TMEM168: variants seen among roughly 807,000 people sequenced by gnomAD.
The protein encoded by TMEM168 is transmembrane protein 168.
In TMEM168, 40 loss-of-function variants were observed where a neutral mutation model predicts 53.2. The ratio of observed to expected loss-of-function variants is 0.75; its 90% CI spans 0.58 to 0.98. TMEM168 has a LOEUF of 0.98. Ranked by LOEUF, TMEM168 falls within the 50% of genes least tolerant of loss-of-function variation. The probability of loss-of-function intolerance (pLI) is 0.00; values close to 1 mark genes in which losing one functional copy is unlikely to be tolerated. For missense variants in TMEM168, 771 were observed against 828.8 expected, an observed-to-expected ratio of 0.93 and a Z score of 0.86; for synonymous variants, 282 against 293.0, an observed-to-expected ratio of 0.96 and a Z score of 0.38.
chr7:112,784,113 A>T lies in TMEM168; in HGVS notation c.713T>A (p.Phe238Tyr). 1.2e-6 allele frequency: 2 copies of T among 1,613,866 alleles called. No individual in the cohort carries two copies. The highest frequency in any genetic ancestry group is 1.7e-6 in the Non-Finnish European group (2 of 1,179,970). ...CFFICLITDP[F>Y]LDIYFSGLSV... The stretch of plus-strand genomic sequence containing the variant: ...AAGTCCACTAAAATAAATGTCAAGG[A>T]AAGGATCAGTTATCAGGCAAATAAA... The change falls in exon 2 of 5, where the codon TTC (phenylalanine) becomes TAC (tyrosine). Residue 238 changes from phenylalanine (F) to tyrosine (Y), a missense_variant. Physicochemically the swap from Phe to Tyr is conservative, Grantham distance 22 (BLOSUM62 3). Coordinates refer to ENST00000312814, the MANE Select transcript of TMEM168 (RefSeq NM_022484.6).
rs1329781230 is a variant in TMEM168, at chr7:112,784,746, A to G, written c.80T>C (p.Val27Ala). 6.2e-7 allele frequency: 1 copy of G among 1,612,308 alleles called. No homozygotes were observed. The highest frequency in any genetic ancestry group is 1.3e-5 in the African/African-American group (1 of 74,978). Residue 27 changes from valine to alanine, a missense_variant, in exon 2 of 5, where the codon GTG becomes GCG. Physicochemically the swap from Val to Ala is moderately conservative, Grantham distance 64. Coordinates refer to ENST00000312814, the MANE Select transcript of TMEM168 (RefSeq NM_022484.6). ...ATACCGCACTGAAGAATGCATGTTC[A>G]CTTCTCTATTTACTTCTTCCAGTCT... Reference protein sequence around the residue: ...MTRLEEVNREVNMHSSVRYLG... With the variant: ...MTRLEEVNREANMHSSVRYLG...
At chr7:112,776,757 T>G (rs930580147) in intron 2 of TMEM168, among the ~76,000 whole-genome samples, 2 of 130,576 alleles carry the variant, frequency 1.5e-5, no homozygotes, top group East Asian at 4.1e-4. Context: ...CATGTGTATG[T>G]TTTTTTTTTT....
chr7:112,768,809 A>T (rs1393982366), intron 4 of TMEM168, among the ~76,000 whole-genome samples: 5 of 152,190 alleles, frequency 3.3e-5, no homozygotes, highest in Non-Finnish European at 7.4e-5. Context: ...GGGACAAAAA[A>T]TTACAAAAAA....
rs1792825900 is a variant in TMEM168, at chr7:112,767,765, A to G, written c.1547-21T>C. 4 of 1,568,594 alleles carry G rather than the reference A, an allele frequency of 2.6e-6. No individual in the cohort carries two copies. The African/African-American group carries it at 5.5e-5, about 21-fold the overall frequency. On this transcript the variant is annotated intron_variant, in intron 4 of 4. Transcript: ENST00000312814. ...TCCACCTGTGAACAAGAGAAAATTC[A>G]ATGGAGCAATAATTTCTGCAGCCTC...
intron 1 of TMEM168, among the ~76,000 whole-genome samples, chr7:112,789,511 A>G (rs991521863): frequency 2.0e-5 from 3 of 152,250 alleles, no homozygotes; most frequent in Non-Finnish European, 2.9e-5. Flanking sequence ...CCCACAACTA[A>G]TAACTAGTAG....
At chr7:112,779,340 G>A (rs1487166735) in intron 2 of TMEM168, among the ~76,000 whole-genome samples, 1 of 152,126 alleles carries the variant, frequency 6.6e-6, no homozygotes, top group African/African-American at 2.4e-5. Flanking sequence ...ACAAAAATTC[G>A]TAATCTTAAC....
At chr7:112,770,601 TATA>T (rs1011407179) in intron 4 of TMEM168, among the ~76,000 whole-genome samples, 3 of 122,886 alleles carry the variant, frequency 2.4e-5, no homozygotes, top group African/African-American at 1.4e-4. Context: ...CTGCGAGAGA[TATA>T]TATATGTGTG....
At chr7:112,783,635 C>T in intron 2 of TMEM168, 63 bp downstream of exon 2, 4 of 1,359,312 alleles carry the variant, frequency 2.9e-6, no homozygotes, top group Non-Finnish European at 3.8e-6. Flanking sequence ...ACTTTAATTT[C>T]AATTATTGAA....
At position 112,767,217 on chromosome 7, in the gene TMEM168, A is replaced by G; in HGVS notation, c.2074T>C (p.Phe692Leu). ...LPTVLDTGQG[F>L]KLVKS ...CCAAATTAAGATTTGACAAGTTTGA[A>G]GCCTTGTCCTGTGTCCAGCACAGTA... The change falls in exon 5 of 5, where the codon TTC (phenylalanine) becomes CTC (leucine). Residue 692 changes from phenylalanine to leucine, a missense_variant. Coordinates refer to ENST00000312814, the MANE Select transcript of TMEM168 (RefSeq NM_022484.6). 3.1e-6 allele frequency: 5 copies of G among 1,611,950 alleles called. No individual in the cohort carries two copies. Among genetic ancestry groups the G allele is most frequent in the Non-Finnish European group, 4.2e-6 (5 of 1,179,152 alleles).
chr7:112,779,648 AAAG>A (rs1793177558), intron 2 of TMEM168, among the ~76,000 whole-genome samples: 1 of 152,226 alleles, frequency 6.6e-6, no homozygotes, highest in Non-Finnish European at 1.5e-5. Context: ...ACTGAGCACA[AAAG>A]AAGACCAATA....
At chr7:112,770,369 T>C (rs1433566281) in intron 4 of TMEM168, among the ~76,000 whole-genome samples, 1 of 152,198 alleles carries the variant, frequency 6.6e-6, no homozygotes, top group African/African-American at 2.4e-5. Flanking sequence ...CTCTCTCTTT[T>C]TTTTAAACTT....
At chr7:112,786,183 T>C (rs908016096) in intron 1 of TMEM168, among the ~76,000 whole-genome samples, 43 of 152,114 alleles carry the variant, frequency 2.8e-4, no homozygotes, top group African/African-American at 9.7e-4. Context: ...GCCTGGGGGA[T>C]AGAGCGAGAC....
intron 1 of TMEM168, among the ~76,000 whole-genome samples, chr7:112,786,442 T>C (rs1025346666): frequency 1.3e-5 from 2 of 152,156 alleles, no homozygotes; most frequent in East Asian, 3.9e-4. Context: ...CAACTAAGTC[T>C]ATTTAAGTAT....
intron 1 of TMEM168, among the ~76,000 whole-genome samples, chr7:112,786,287 A>G (rs1045755315): frequency 6.6e-6 from 1 of 152,200 alleles, no homozygotes; most frequent in Non-Finnish European, 1.5e-5. Context: ...CTCAAGAGAA[A>G]CATGAGAACC....
intron 2 of TMEM168, among the ~76,000 whole-genome samples, chr7:112,781,223 TAACAAGG>T (rs1793223585): frequency 1.3e-5 from 2 of 151,666 alleles, no homozygotes; most frequent in South Asian, 4.2e-4. Flanking sequence ...GACAGAAAAT[TAACAAGG>T]CTATAGATAC....
chr7:112,789,899 T>C (rs1793498287), intron 1 of TMEM168, among the ~76,000 whole-genome samples: 1 of 152,244 alleles, frequency 6.6e-6, no homozygotes, highest in Admixed American at 6.5e-5. Flanking sequence ...GACAAGGAGC[T>C]TGGCTGTTCT....
At chr7:112,776,360 AT>A (rs147874108) in intron 2 of TMEM168, among the ~76,000 whole-genome samples, 5,562 of 152,110 alleles carry the variant, frequency 0.037, 272 homozygotes, top group African/African-American at 0.1. Flanking sequence ...ATTAAGACTC[AT>A]TTAAGTGAAA....
chr7:112,777,886 CTGTGTGTGTGTG>C (rs71155068), intron 2 of TMEM168, among the ~76,000 whole-genome samples: 4,454 of 126,064 alleles, frequency 0.035, 133 homozygotes, highest in African/African-American at 0.059. Context: ...GCTCTTGGTG[CTGTGTGTGTGTG>C]TGTGTGTGTG....
chr7:112,767,843 T>C (rs1792828059), intron 4 of TMEM168, 99 bp from the exon 5 acceptor site: 4 of 1,052,560 alleles, frequency 3.8e-6, no homozygotes, highest in South Asian at 1.7e-5. Flanking sequence ...ATACTCTTGT[T>C]ATACATGTAT....
Sources: gnomAD v4.1 joint callset for allele counts (sites outside exome capture counted in the v4.1 genomes callset) on GRCh38, gnomAD v4.1.1 for gene constraint, MANE v1.5 for transcripts, NCBI Gene and HGNC (gene_info 2026-07-23, HGNC 2026-07-21) for gene names.